The following FAM171A1 variants were observed in gnomAD, a reference collection of about 807,000 sequenced individuals.
FAM171A1 encodes the protein family with sequence similarity 171 member A1.
In FAM171A1, 23 loss-of-function variants were observed where a neutral mutation model predicts 74.9. The ratio of observed to expected loss-of-function variants is 0.31; its 90% CI spans 0.22 to 0.44. The LOEUF is 0.44. Among genes scored for constraint, FAM171A1 ranks in the 20% least tolerant of loss-of-function variants. The pLI, the probability that FAM171A1 is intolerant of heterozygous loss-of-function variation, is 1.00. For synonymous variants in FAM171A1, 527 were observed against 505.7 expected, an observed-to-expected ratio of 1.04 and a Z score of -0.57; for missense variants, 1,162 against 1,159.2, an observed-to-expected ratio of 1.00 and a Z score of -0.03.
intron 4 of FAM171A1, among the ~76,000 whole-genome samples, chr10:15,252,175 T>TG (rs1284902997): frequency 1.3e-5 from 2 of 152,192 alleles, no homozygotes; most frequent in Non-Finnish European, 2.9e-5. Flanking sequence ...TCTCAGCAGC[T>TG]GGGGGAAGAG....
intron 1 of FAM171A1, among the ~76,000 whole-genome samples, chr10:15,291,670 C>T (rs1588536959): frequency 6.6e-6 from 1 of 152,200 alleles, no homozygotes; most frequent in African/African-American, 2.4e-5. Context: ...CCTTCAGTGG[C>T]TTAAAAGGCC....
intron 5 of FAM171A1, among the ~76,000 whole-genome samples, chr10:15,226,846 G>A (rs544025145): frequency 1.3e-5 from 2 of 151,786 alleles, no homozygotes; most frequent in South Asian, 2.1e-4. Context: ...TCAGTGTTCT[G>A]TTATCAACTC....
intron 1 of FAM171A1, among the ~76,000 whole-genome samples, chr10:15,310,762 G>A (rs970444885): frequency 3.9e-5 from 6 of 151,948 alleles, no homozygotes; most frequent in Admixed American, 3.9e-4. Flanking sequence ...CTCAGGGGTT[G>A]AGGCAGGAGA....
intron 3 of FAM171A1, among the ~76,000 whole-genome samples, chr10:15,263,422 A>T (rs1834687736): frequency 1.3e-5 from 2 of 152,252 alleles, no homozygotes; most frequent in Non-Finnish European, 2.9e-5. Context: ...AACACTCTCC[A>T]AGAAAATGAT....
intron 1 of FAM171A1, among the ~76,000 whole-genome samples, chr10:15,358,173 C>T (rs1835954706): frequency 6.6e-6 from 1 of 151,836 alleles, no homozygotes; most frequent in South Asian, 2.1e-4. Flanking sequence ...ACGAGGTCTC[C>T]CTATGTTTTC....
chr10:15,248,885 A>G, intron 4 of FAM171A1, 70 bp from the exon 5 acceptor site: 1 of 1,446,038 alleles, frequency 6.9e-7, no homozygotes, highest in South Asian at 1.4e-5. Context: ...AACCTTTGCA[A>G]AAAAATAGTC....
rs9731386 is a variant in FAM171A1, at chr10:15,272,619, C to A, written c.418+3236G>T. Among the ~76,000 whole-genome samples, 5 of 151,944 alleles carry A rather than the reference C, an allele frequency of 3.3e-5. No homozygotes were observed. In the East Asian group the frequency reaches 7.7e-4, roughly 23 times the overall value. On this transcript the variant is annotated intron_variant, in intron 3 of 7. Transcript: ENST00000378116. The stretch of plus-strand genomic sequence containing the variant: ...TCTCAGCATCACATCACACTTATTC[C>A]AAAATTGACCACATAGTTGGGAGTA...
chr10:15,300,123 T>G (rs894299078), intron 1 of FAM171A1, among the ~76,000 whole-genome samples: 3 of 152,208 alleles, frequency 2.0e-5, no homozygotes, highest in Non-Finnish European at 4.4e-5. Flanking sequence ...GTCAGTGCGG[T>G]GCTTAAATCA....
chr10:15,249,098 C>CT (rs71390024), intron 4 of FAM171A1, among the ~76,000 whole-genome samples: 122,441 of 133,826 alleles, frequency 0.91, 56,412 homozygotes, highest in Non-Finnish European at 0.96. Flanking sequence ...TTTCTTTTTT[C>CT]TTTTTTTTTT....
intron 1 of FAM171A1, among the ~76,000 whole-genome samples, chr10:15,287,169 G>A (rs1353430726): frequency 3.5e-5 from 5 of 144,178 alleles, no homozygotes; most frequent in African/African-American, 1.0e-4. Context: ...TCGGCTCACC[G>A]TAAGCTTCGC....
rs573621445 is a variant in FAM171A1 at position 15,316,341 on chromosome 10, C to T, written c.98-32236G>A. 1.2e-3 allele frequency among the ~76,000 whole-genome samples: 188 copies of T among 152,326 alleles called. 1 individual carries two copies. Among genetic ancestry groups the T allele is most frequent in the African/African-American group, 4.2e-3 (176 of 41,574 alleles). On this transcript the variant is annotated intron_variant, in intron 1 of 7. Transcript: ENST00000378116. ...CAGGGGTGGTGCCCCAGGAGGGCAG[C>T]GCGTGGCCTCCTTCCCTCACCAGGC...
At chr10:15,280,645 G>T (rs573625233) in intron 2 of FAM171A1, among the ~76,000 whole-genome samples, 1 of 152,282 alleles carries the variant, frequency 6.6e-6, no homozygotes, top group South Asian at 2.1e-4. Context: ...AAGGAAATCC[G>T]TTTCTGGGTT....
Position 15,213,496 on chromosome 10 carries a change from C to A in FAM171A1, c.2092G>T (p.Gly698Cys), listed in dbSNP as rs779232853. The change falls in exon 8 of 8, where the codon GGT becomes TGT. Residue 698 changes from glycine to cysteine, a missense_variant. Coordinates refer to ENST00000378116, the MANE Select transcript of FAM171A1 (RefSeq NM_001010924.2). The surrounding 1 kb of genome is among the most constrained non-coding windows in gnomAD (Gnocchi z 6.8). ...LTEKALMELG[G>C]GKPLPHPRAW... Reference sequence around the variant, plus strand: ...CGGGGGTGCGGAAGCGGCTTCCCACCCCCAAGCTCCATCAGGGCCTTTTCA... The same window carrying A: ...CGGGGGTGCGGAAGCGGCTTCCCACACCCAAGCTCCATCAGGGCCTTTTCA... The A allele has an allele frequency of 7.4e-6, 12 of 1,614,018 alleles. No homozygotes were observed. The highest frequency in any genetic ancestry group is 6.7e-5 in the African/African-American group (5 of 74,924).
intron 4 of FAM171A1, among the ~76,000 whole-genome samples, chr10:15,254,473 G>A (rs1356534452): frequency 6.6e-6 from 1 of 152,226 alleles, no homozygotes; most frequent in Non-Finnish European, 1.5e-5. Context: ...AGAGCTCAGA[G>A]AAGGTGCTTA....
intron 1 of FAM171A1, among the ~76,000 whole-genome samples, chr10:15,285,780 G>A (rs770212470): frequency 2.0e-5 from 3 of 152,216 alleles, no homozygotes; most frequent in Non-Finnish European, 4.4e-5. Flanking sequence ...AAGGAGGCTT[G>A]TGTTCATAGC....
intron 1 of FAM171A1, among the ~76,000 whole-genome samples, chr10:15,284,793 T>G (rs1835015776): frequency 6.6e-6 from 1 of 152,196 alleles, no homozygotes; most frequent in Non-Finnish European, 1.5e-5. Context: ...TGCCGTATCC[T>G]TCTCTAGTCC....
rs538471687 is a variant in FAM171A1 at position 15,239,169 on chromosome 10, C to T, written c.754+9470G>A. Among the ~76,000 whole-genome samples the T allele has an allele frequency of 1.8e-3, 268 of 152,286 alleles. 1 individual carries two copies. The highest frequency in any genetic ancestry group is 3.1e-3 in the Non-Finnish European group (211 of 68,038). On this transcript the variant is annotated intron_variant, in intron 5 of 7. Coordinates refer to ENST00000378116, the MANE Select transcript of FAM171A1 (RefSeq NM_001010924.2). ...AGCTGACATAATCATCTCTTACTGT[C>T]CAGAAAGGCTCAGCTAAGAGGCATT...
At chr10:15,355,581 G>C (rs1835923071) in intron 1 of FAM171A1, among the ~76,000 whole-genome samples, 1 of 152,062 alleles carries the variant, frequency 6.6e-6, no homozygotes, top group Non-Finnish European at 1.5e-5. Flanking sequence ...AGCTAGGCAT[G>C]GTGGTGTGCA....
At chr10:15,321,676 C>G (rs953453106) in intron 1 of FAM171A1, among the ~76,000 whole-genome samples, 2 of 152,146 alleles carry the variant, frequency 1.3e-5, no homozygotes, top group Non-Finnish European at 2.9e-5. Flanking sequence ...GGTCAGAAGC[C>G]TGAACCCTTT....
Sources: allele counts gnomAD v4.1 joint callset (sites outside exome capture counted in the v4.1 genomes callset), GRCh38; gene constraint gnomAD v4.1.1; non-coding constraint Gnocchi (gnomAD v3.1); transcripts MANE v1.5; gene names NCBI Gene and HGNC (gene_info 2026-07-23, HGNC 2026-07-21).